SLCO6A1: variants seen among roughly 807,000 people sequenced by gnomAD.
SLCO6A1 encodes the protein cancer/testis antigen 48.
A neutral mutation model predicts 72.7 loss-of-function variants in SLCO6A1; 65 were observed. That is an observed-to-expected ratio of 0.89 (90% CI 0.73 to 1.10). SLCO6A1 has a LOEUF of 1.10. Ranked by LOEUF, SLCO6A1 falls within the 50% of genes least tolerant of loss-of-function variation. The pLI, the probability that SLCO6A1 is intolerant of heterozygous loss-of-function variation, is 0.00. For synonymous variants in SLCO6A1, 314 were observed against 298.2 expected, an observed-to-expected ratio of 1.05 and a Z score of -0.55; for missense variants, 874 against 872.6, an observed-to-expected ratio of 1.00 and a Z score of -0.02.
Position 102,419,965 on chromosome 5 carries a change from A to G in SLCO6A1, c.1333T>C (p.Ser445Pro). Reference protein sequence around the residue: ...LGQLLGGVIVSTLEMSCKALM... With the variant: ...LGQLLGGVIVPTLEMSCKALM... ...GCTTTACAAGACATTTCTAATGTGG[A>G]AACAATGACACCTCCCAGAAGCTGG... Residue 445 changes from serine (S) to proline (P), a missense_variant, in exon 8 of 14, where the codon TCC becomes CCC. Transcript: ENST00000506729. 6.2e-7 allele frequency: 1 copy of G among 1,602,842 alleles called. No homozygotes were observed.
chr5:102,496,144 C>T (rs991919373), intron 1 of SLCO6A1, among the ~76,000 whole-genome samples: 13 of 152,254 alleles, frequency 8.5e-5, no homozygotes, highest in African/African-American at 3.1e-4. Flanking sequence ...TGGGAAGTTG[C>T]ACACTGGAGT....
At chr5:102,414,525 A>G (rs1156697088) in intron 8 of SLCO6A1, among the ~76,000 whole-genome samples, 3 of 152,226 alleles carry the variant, frequency 2.0e-5, no homozygotes, top group Non-Finnish European at 4.4e-5. Context: ...TGATAAATGA[A>G]TCCAGTAAAG....
At chr5:102,466,149 A>G (rs1751298492) in intron 4 of SLCO6A1, among the ~76,000 whole-genome samples, 1 of 152,040 alleles carries the variant, frequency 6.6e-6, no homozygotes, top group African/African-American at 2.4e-5. Context: ...AGTATTAATT[A>G]GATGCTTTTT....
intron 7 of SLCO6A1, among the ~76,000 whole-genome samples, chr5:102,427,845 CATAT>C (rs1325179314): frequency 1.4e-5 from 1 of 73,798 alleles, no homozygotes; most frequent in Non-Finnish European, 3.0e-5. Flanking sequence ...TGTATGTATA[CATAT>C]ATATATATAT....
chr5:102,482,495 AC>A (rs1439399247), intron 1 of SLCO6A1, among the ~76,000 whole-genome samples: 3 of 152,108 alleles, frequency 2.0e-5, no homozygotes, highest in African/African-American at 7.2e-5. Context: ...CAAAGCACAT[AC>A]CCCATCCTAT....
chr5:102,455,180 A>G (rs1321289498), intron 6 of SLCO6A1, among the ~76,000 whole-genome samples: 1 of 151,862 alleles, frequency 6.6e-6, no homozygotes, highest in Non-Finnish European at 1.5e-5. Flanking sequence ...CTACCAAAAT[A>G]CAGGACTATA....
At chr5:102,469,788 T>C (rs922331554) in intron 4 of SLCO6A1, among the ~76,000 whole-genome samples, 2 of 152,170 alleles carry the variant, frequency 1.3e-5, no homozygotes, top group Non-Finnish European at 2.9e-5. Context: ...TGATATTGGC[T>C]GTGGGTTTGT....
intron 10 of SLCO6A1, among the ~76,000 whole-genome samples, chr5:102,394,278 T>C (rs1258665784): frequency 2.6e-5 from 4 of 152,194 alleles, no homozygotes; most frequent in Non-Finnish European, 5.9e-5. Context: ...TTAACAATAA[T>C]TTCATATTTA....
chr5:102,404,701 T>C (rs1270241748), intron 9 of SLCO6A1, among the ~76,000 whole-genome samples: 1 of 152,170 alleles, frequency 6.6e-6, no homozygotes, highest in Non-Finnish European at 1.5e-5. Flanking sequence ...GGTATTACTA[T>C]AATGGATTTA....
At chr5:102,428,566 C>T (rs1358201244) in intron 7 of SLCO6A1, among the ~76,000 whole-genome samples, 1 of 152,054 alleles carries the variant, frequency 6.6e-6, no homozygotes, top group Non-Finnish European at 1.5e-5. Context: ...ACTTGTGTCA[C>T]AAGGGTTTGT....
intron 6 of SLCO6A1, among the ~76,000 whole-genome samples, chr5:102,457,797 G>T (rs1750808997): frequency 6.6e-6 from 1 of 152,150 alleles, no homozygotes; most frequent in South Asian, 2.1e-4. Context: ...AAAGACACAT[G>T]CACATGTATG....
At chr5:102,381,384 T>C (rs1235013925) in intron 12 of SLCO6A1, among the ~76,000 whole-genome samples, 1 of 151,786 alleles carries the variant, frequency 6.6e-6, no homozygotes, top group East Asian at 1.9e-4. Context: ...TTCACCCACA[T>C]TGTTGCAAAA....
At chr5:102,388,374 G>A (rs1391983346) in intron 12 of SLCO6A1, among the ~76,000 whole-genome samples, 1 of 151,626 alleles carries the variant, frequency 6.6e-6, no homozygotes, top group Non-Finnish European at 1.5e-5. Flanking sequence ...TTTTGAAAGA[G>A]TCTCACTCTG....
chr5:102,431,708 T>G (rs945266393), intron 7 of SLCO6A1, among the ~76,000 whole-genome samples: 1 of 152,208 alleles, frequency 6.6e-6, no homozygotes, highest in Non-Finnish European at 1.5e-5. Context: ...GTATATTCTG[T>G]TGTTTTTTTG....
chr5:102,404,491 G>A lies in SLCO6A1; in HGVS notation c.1627-4749C>T, dbSNP rs201571620. ...ACTGTACTCCAGCCTGGGTGATGGA[G>A]AGAGACTCTGTCTCAAAAAAACAAA... On this transcript the variant is annotated intron_variant, in intron 9 of 13. Coordinates refer to ENST00000506729, the MANE Select transcript of SLCO6A1 (RefSeq NM_173488.5). Among the ~76,000 whole-genome samples the A allele has an allele frequency of 5.3e-5, 8 of 152,218 alleles. 1 individual carries two copies. The East Asian group carries it at 1.5e-3, about 29-fold the overall frequency.
At chr5:102,475,063 GATCTAGCA>G (rs1751824511) in intron 4 of SLCO6A1, among the ~76,000 whole-genome samples, 1 of 152,008 alleles carries the variant, frequency 6.6e-6, no homozygotes, top group African/African-American at 2.4e-5. Context: ...CTTACCATAT[GATCTAGCA>G]ATCCAATTTC....
chr5:102,388,626 TAAC>T (rs1182194051), intron 12 of SLCO6A1, 59 bp downstream of exon 12: 2 of 1,208,620 alleles, frequency 1.7e-6, no homozygotes, highest in Non-Finnish European at 2.3e-6. Context: ...ACATTACTAT[TAAC>T]AACCATAACT....
At chr5:102,440,701 T>C (rs934747896) in intron 6 of SLCO6A1, among the ~76,000 whole-genome samples, 54 of 152,256 alleles carry the variant, frequency 3.5e-4, no homozygotes, top group African/African-American at 1.3e-3. Flanking sequence ...CCTGTCCAAA[T>C]TGCATTCTCA....
At chr5:102,495,571 G>T (rs1034342530) in intron 1 of SLCO6A1, among the ~76,000 whole-genome samples, 5 of 151,954 alleles carry the variant, frequency 3.3e-5, no homozygotes, top group African/African-American at 1.2e-4. Flanking sequence ...CTACAGCGTG[G>T]GTGACAAGAG....
Sources: gnomAD v4.1 joint callset for allele counts (sites outside exome capture counted in the v4.1 genomes callset) on GRCh38, gnomAD v4.1.1 for gene constraint, MANE v1.5 for transcripts, NCBI Gene and HGNC (gene_info 2026-07-23, HGNC 2026-07-21) for gene names.